SLC25A31: variants seen among roughly 807,000 people sequenced by gnomAD.
The protein encoded by SLC25A31 is ADP/ATP translocase 4.
SLC25A31 carries 40 observed loss-of-function variants against 36.2 expected under a neutral mutation model. The observed-to-expected ratio is 1.10, with a 90% CI of 0.86 to 1.44. SLC25A31 has a LOEUF of 1.44. Among genes scored for constraint, SLC25A31 ranks in the 40% most tolerant of loss-of-function variants. The probability of loss-of-function intolerance (pLI) is 0.00; values close to 1 mark genes in which losing one functional copy is unlikely to be tolerated. For synonymous variants in SLC25A31, 143 were observed against 149.7 expected, an observed-to-expected ratio of 0.96 and a Z score of 0.32; for missense variants, 350 against 397.1, an observed-to-expected ratio of 0.88 and a Z score of 1.01.
At chr4:127,738,406 T>C (rs1731671784) in intron 1 of SLC25A31, among the ~76,000 whole-genome samples, 1 of 152,178 alleles carries the variant, frequency 6.6e-6, no homozygotes, top group African/African-American at 2.4e-5. Flanking sequence ...TTAATTTCCA[T>C]ATAATTTGTG....
intron 2 of SLC25A31, 34 bp from the exon 3 acceptor site, chr4:127,764,209 G>A: frequency 1.3e-6 from 2 of 1,567,364 alleles, no homozygotes; most frequent in East Asian, 4.5e-5. Context: ...AGATTCTGTG[G>A]TTTAATAACC....
At chr4:127,735,836 C>T (rs1731614724) in intron 1 of SLC25A31, among the ~76,000 whole-genome samples, 1 of 145,022 alleles carries the variant, frequency 6.9e-6, no homozygotes, top group Admixed American at 6.9e-5. Context: ...TTGGTTTAGA[C>T]TGTATATCCA....
chr4:127,740,208 C>T (rs1731707937), intron 1 of SLC25A31, among the ~76,000 whole-genome samples: 1 of 152,104 alleles, frequency 6.6e-6, no homozygotes, highest in Admixed American at 6.5e-5. Context: ...TTTTTGTAGT[C>T]ATTTTAATGC....
At position 127,730,742 on chromosome 4, in the gene SLC25A31, T is replaced by G. The variant is rs138879691; in HGVS notation, c.197T>G (p.Met66Arg). 6.2e-7 allele frequency: 1 copy of G among 1,613,508 alleles called. No homozygotes were observed. Among genetic ancestry groups the G allele is most frequent in the South Asian group, 1.1e-5 (1 of 91,056 alleles). Reference protein sequence around the residue: ...QISPEARYKGMVDCLVRIPRE... With the variant: ...QISPEARYKGRVDCLVRIPRE... ...AGCCCCGAGGCGCGGTACAAAGGCA[T>G]GGTGGACTGCCTGGTGCGGATTCCT... is the stretch of plus-strand genomic sequence containing the variant. The change falls in exon 1 of 6, where the codon ATG (methionine) becomes AGG (arginine). Residue 66 changes from methionine to arginine, a missense_variant. Met to Arg is a moderately conservative substitution (Grantham distance 91). Coordinates refer to ENST00000281154, the MANE Select transcript of SLC25A31 (RefSeq NM_031291.4).
At chr4:127,737,661 C>G (rs1731657962) in intron 1 of SLC25A31, among the ~76,000 whole-genome samples, 2 of 152,004 alleles carry the variant, frequency 1.3e-5, no homozygotes, top group African/African-American at 4.8e-5. Context: ...TTCAAGAACT[C>G]CCACCTCAGC....
At chr4:127,760,701 CT>C (rs1732109899) in intron 2 of SLC25A31, among the ~76,000 whole-genome samples, 1 of 152,200 alleles carries the variant, frequency 6.6e-6, no homozygotes. Flanking sequence ...AACTCTCAGA[CT>C]TTCATCTTCT....
At chr4:127,749,692 G>C (rs1167074172) in intron 2 of SLC25A31, among the ~76,000 whole-genome samples, 1 of 137,310 alleles carries the variant, frequency 7.3e-6, no homozygotes, top group Non-Finnish European at 1.5e-5. Context: ...CTGGGTGACA[G>C]AGTGAGACTC....
chr4:127,763,859 T>C (rs568651275), intron 2 of SLC25A31, among the ~76,000 whole-genome samples: 2 of 152,274 alleles, frequency 1.3e-5, no homozygotes, highest in South Asian at 4.1e-4. Context: ...AGCCTCCATA[T>C]GTGCCTGACA....
chr4:127,760,449 G>A (rs893968192), intron 2 of SLC25A31, among the ~76,000 whole-genome samples: 1 of 152,114 alleles, frequency 6.6e-6, no homozygotes, highest in Admixed American at 6.5e-5. Context: ...ACTCACCTGA[G>A]GTGACTAGAC....
rs151247877 is a variant in SLC25A31 at position 127,768,604 on chromosome 4, G to T, written c.634-148G>T. Reference sequence around the variant, plus strand: ...CATGTGTGGCATTCCACTTTTTATTGATCTGCTACTATTAAATCCAACATT... The same window carrying T: ...CATGTGTGGCATTCCACTTTTTATTTATCTGCTACTATTAAATCCAACATT... On this transcript the variant is annotated intron_variant, in intron 4 of 5. Transcript: ENST00000281154. 2,808 of 551,322 alleles carry T rather than the reference G, an allele frequency of 5.1e-3. 13 individuals are homozygous for T. The highest frequency in any genetic ancestry group is 9.6e-3 in the Middle Eastern group (19 of 1,982). The allele number at this position is 551,322 out of a possible 1,614,324, so 34.2% of individuals were successfully genotyped here.
chr4:127,772,932 C>T (rs955626621), intron 5 of SLC25A31, among the ~76,000 whole-genome samples: 4 of 151,896 alleles, frequency 2.6e-5, no homozygotes, highest in Admixed American at 2.6e-4. Flanking sequence ...CAGGCATGTG[C>T]CAGCACACCC....
At chr4:127,749,535 G>A (rs530679142) in intron 2 of SLC25A31, among the ~76,000 whole-genome samples, 1 of 152,184 alleles carries the variant, frequency 6.6e-6, no homozygotes, top group South Asian at 2.1e-4. Context: ...CACGAGGTCA[G>A]CAGATCGAGA....
chr4:127,768,768 C>T lies in SLC25A31; in HGVS notation c.650C>T (p.Pro217Leu). ...CTTTTCTAGGGTTTATTACCAAAGC[C>T]AAAGAAAACTCCATTTCTTGTCTCC... ...YDTVKGLLPK[P>L]KKTPFLVSFF... Residue 217 changes from proline (P) to leucine (L), a missense_variant, in exon 5 of 6, where the codon CCA becomes CTA. Physicochemically the swap from Pro to Leu is moderately conservative, Grantham distance 98. Coordinates refer to ENST00000281154, the MANE Select transcript of SLC25A31 (RefSeq NM_031291.4). 5 of 1,602,710 alleles carry T rather than the reference C, an allele frequency of 3.1e-6. No homozygotes were observed. Among genetic ancestry groups the T allele is most frequent in the African/African-American group, 1.3e-5 (1 of 74,638 alleles).
chr4:127,772,043 G>A (rs752920507), intron 5 of SLC25A31, among the ~76,000 whole-genome samples: 1 of 151,944 alleles, frequency 6.6e-6, no homozygotes, highest in Non-Finnish European at 1.5e-5. Context: ...TTTCCTTCTT[G>A]TATTGCTCTA....
chr4:127,747,155 A>G (rs963166985), intron 2 of SLC25A31, among the ~76,000 whole-genome samples: 2 of 152,156 alleles, frequency 1.3e-5, no homozygotes, highest in Non-Finnish European at 1.5e-5. Flanking sequence ...TCTTAGTACC[A>G]TGCTGTTTTG....
intron 2 of SLC25A31, among the ~76,000 whole-genome samples, chr4:127,757,371 G>A (rs1001758720): frequency 2.0e-5 from 3 of 152,134 alleles, no homozygotes; most frequent in Admixed American, 6.5e-5. Flanking sequence ...CCACTTATAA[G>A]TGAGAACATG....
chr4:127,735,939 G>A (rs1354484723), intron 1 of SLC25A31, among the ~76,000 whole-genome samples: 5 of 141,678 alleles, frequency 3.5e-5, no homozygotes, highest in East Asian at 2.1e-4. Flanking sequence ...GCCCAGGCTG[G>A]AGTGCAGTGG....
Position 127,730,741 on chromosome 4 carries a change from A to G in SLC25A31, c.196A>G (p.Met66Val). ...QISPEARYKG[M>V]VDCLVRIPRE... ...CAGCCCCGAGGCGCGGTACAAAGGC[A>G]TGGTGGACTGCCTGGTGCGGATTCC... Residue 66 changes from methionine to valine, a missense_variant, in exon 1 of 6, where the codon ATG becomes GTG. Coordinates refer to ENST00000281154, the MANE Select transcript of SLC25A31 (RefSeq NM_031291.4). 2 of 1,613,552 alleles carry G rather than the reference A, an allele frequency of 1.2e-6. No individual in the cohort carries two copies. Among genetic ancestry groups the G allele is most frequent in the Non-Finnish European group, 1.7e-6 (2 of 1,179,782 alleles).
intron 1 of SLC25A31, among the ~76,000 whole-genome samples, chr4:127,743,783 A>G (rs1578658533): frequency 6.6e-6 from 1 of 152,206 alleles, no homozygotes; most frequent in African/African-American, 2.4e-5. Context: ...CTTTCCCTCT[A>G]TGTACTTATC....
Sources: gnomAD v4.1 joint callset for allele counts (sites outside exome capture counted in the v4.1 genomes callset) on GRCh38, gnomAD v4.1.1 for gene constraint, MANE v1.5 for transcripts, NCBI Gene and HGNC (gene_info 2026-07-23, HGNC 2026-07-21) for gene names.